The following GPC6 variants were observed in gnomAD, a reference collection of about 807,000 sequenced individuals.
GPC6 encodes the protein glypican-6.
In GPC6, 14 loss-of-function variants were observed where a neutral mutation model predicts 55.2. That is an observed-to-expected ratio of 0.25 (90% CI 0.17 to 0.40). GPC6 has a LOEUF of 0.40. GPC6 is among the 10% of genes least tolerant of loss of function. The probability of loss-of-function intolerance (pLI) is 1.00; values close to 1 mark genes in which losing one functional copy is unlikely to be tolerated. For synonymous variants in GPC6, 278 were observed against 259.6 expected, an observed-to-expected ratio of 1.07 and a Z score of -0.68; for missense variants, 641 against 708.5, an observed-to-expected ratio of 0.90 and a Z score of 1.08.
chr13:93,527,471 T>A (rs1177815811), intron 1 of GPC6, among the ~76,000 whole-genome samples: 1 of 152,158 alleles, frequency 6.6e-6, no homozygotes, highest in Admixed American at 6.6e-5. Flanking sequence ...CCTTTTGGTT[T>A]AAAACCATGG....
At chr13:94,067,474 G>GTCTC (rs777653136) in intron 4 of GPC6, among the ~76,000 whole-genome samples, 1,554 of 142,238 alleles carry the variant, frequency 0.011, 30 homozygotes, top group African/African-American at 0.036. Context: ...CTCTCTGTCT[G>GTCTC]TCTGTCTCTC....
intron 3 of GPC6, among the ~76,000 whole-genome samples, chr13:93,985,550 T>C (rs1488334047): frequency 2.0e-5 from 3 of 150,830 alleles, no homozygotes; most frequent in Non-Finnish European, 4.4e-5. Context: ...AAAAAAAGGG[T>C]GTGTGATGAC....
In GPC6 at chr13:93,676,106, T is replaced by TA. The variant is rs760322815; in HGVS notation, c.319+130706dup. ...GCCAACACAGCAAAACTGTTTCTAC[T>TA]AAAAAAAAAAAAAAAAAAAAATATA... On this transcript the variant is annotated intron_variant, in intron 2 of 8. Coordinates refer to ENST00000377047, the MANE Select transcript of GPC6 (RefSeq NM_005708.5). Among the ~76,000 whole-genome samples the TA allele has an allele frequency of 2.8e-3, 65 of 23,086 alleles. 1 individual carries two copies. The highest frequency in any genetic ancestry group is 6.3e-3 in the East Asian group (4 of 638). 15.1% of individuals were successfully genotyped at this position (23,086 alleles called of 152,430 possible). A position where few individuals can be genotyped will look rare whatever the true frequency, so the allele number is the denominator to read the frequency against.
chr13:93,893,367 T>C (rs941903634), intron 3 of GPC6, among the ~76,000 whole-genome samples: 4 of 152,160 alleles, frequency 2.6e-5, no homozygotes, highest in Non-Finnish European at 5.9e-5. Flanking sequence ...TTAAAATCTT[T>C]TGATTTTTGA....
At chr13:93,788,423 C>T (rs564357564) in intron 2 of GPC6, among the ~76,000 whole-genome samples, 26 of 152,022 alleles carry the variant, frequency 1.7e-4, no homozygotes, top group Admixed American at 3.3e-4. Context: ...TACCTGAATT[C>T]TGGAGGGGAC....
chr13:93,577,635 TGTCGTTTGCATACAA>T (rs1156650924), intron 2 of GPC6, among the ~76,000 whole-genome samples: 1 of 152,088 alleles, frequency 6.6e-6, no homozygotes, highest in Non-Finnish European at 1.5e-5. Flanking sequence ...TATAAGGTCG[TGTCGTTTGCATACAA>T]GGCTAATTTG....
chr13:94,340,989 T>G (rs1224213061), intron 6 of GPC6, among the ~76,000 whole-genome samples: 3 of 152,234 alleles, frequency 2.0e-5, no homozygotes, highest in Admixed American at 6.5e-5. Context: ...AAGGTAACAC[T>G]GGCATTATCT....
intron 3 of GPC6, among the ~76,000 whole-genome samples, chr13:93,905,578 T>C (rs960121397): frequency 6.6e-6 from 1 of 152,238 alleles, no homozygotes; most frequent in African/African-American, 2.4e-5. Context: ...TGATTCTGCA[T>C]AAAGTATTTG....
chr13:93,903,021 A>G (rs1447627714), intron 3 of GPC6, among the ~76,000 whole-genome samples: 2 of 152,222 alleles, frequency 1.3e-5, no homozygotes, highest in East Asian at 3.8e-4. Flanking sequence ...AAAACTGGAT[A>G]TTCACACAGG....
At chr13:94,147,291 T>C (rs1232550357) in intron 4 of GPC6, among the ~76,000 whole-genome samples, 1 of 152,160 alleles carries the variant, frequency 6.6e-6, no homozygotes, top group Non-Finnish European at 1.5e-5. Context: ...GATTTTGCTT[T>C]TCCTGTCACC....
chr13:94,050,957 G>A lies in GPC6; in HGVS notation c.877+23063G>A, dbSNP rs554577600. Among the ~76,000 whole-genome samples the A allele has an allele frequency of 4.6e-5, 7 of 152,188 alleles. No individual in the cohort carries two copies. The East Asian group carries it at 1.4e-3, about 29-fold the overall frequency. The stretch of plus-strand genomic sequence containing the variant: ...CCTATTGGTCATGAGCTGAACCAGG[G>A]CAATCAAATGTCCCTGCTAGATAAT... On this transcript the variant is annotated intron_variant, in intron 4 of 8. Transcript: ENST00000377047.
intron 3 of GPC6, among the ~76,000 whole-genome samples, chr13:93,997,416 G>T (rs1163874689): frequency 6.6e-6 from 1 of 152,124 alleles, no homozygotes; most frequent in Non-Finnish European, 1.5e-5. Flanking sequence ...TACCCAATTA[G>T]TCCCAACATA....
At chr13:93,587,044 A>ACAT (rs1411514594) in intron 2 of GPC6, among the ~76,000 whole-genome samples, 2 of 152,304 alleles carry the variant, frequency 1.3e-5, no homozygotes, top group East Asian at 3.9e-4. Flanking sequence ...TATCCCTAGT[A>ACAT]GGAGGTTGCA....
At chr13:93,326,508 A>C (rs1364144371) in intron 1 of GPC6, among the ~76,000 whole-genome samples, 1 of 152,174 alleles carries the variant, frequency 6.6e-6, no homozygotes, top group African/African-American at 2.4e-5. Context: ...CTTATAAAAA[A>C]TCTTTGGGAG....
chr13:94,145,137 G>GTGGATGGATGGA (rs112864050), intron 4 of GPC6, among the ~76,000 whole-genome samples: 116 of 149,992 alleles, frequency 7.7e-4, no homozygotes, highest in African/African-American at 1.6e-3. Flanking sequence ...GGATGGATGG[G>GTGGATGGATGGA]TGGATGGATG....
chr13:94,190,542 T>C (rs531351698), intron 4 of GPC6, among the ~76,000 whole-genome samples: 5 of 152,226 alleles, frequency 3.3e-5, no homozygotes, highest in South Asian at 2.1e-4. Context: ...GGCAATGAAA[T>C]GGAATACAGG....
At chr13:94,251,319 G>C (rs971636601) in intron 4 of GPC6, among the ~76,000 whole-genome samples, 3 of 151,764 alleles carry the variant, frequency 2.0e-5, no homozygotes, top group Non-Finnish European at 2.9e-5. Context: ...GGGGCAAAGC[G>C]GGGGAGAGCA....
At chr13:93,339,865 G>A (rs559456356) in intron 1 of GPC6, among the ~76,000 whole-genome samples, 10 of 152,118 alleles carry the variant, frequency 6.6e-5, no homozygotes, top group African/African-American at 2.4e-4. Flanking sequence ...TTTGAAAGGA[G>A]TATTAATCTA....
intron 1 of GPC6, among the ~76,000 whole-genome samples, chr13:93,345,519 A>T (rs1381463078): frequency 2.0e-5 from 3 of 152,156 alleles, no homozygotes; most frequent in African/African-American, 7.2e-5. Flanking sequence ...ATTAAAAATT[A>T]AAAAACTGCA....
Sources: allele counts gnomAD v4.1 joint callset (sites outside exome capture counted in the v4.1 genomes callset), GRCh38; gene constraint gnomAD v4.1.1; transcripts MANE v1.5; gene names NCBI Gene and HGNC (gene_info 2026-07-23, HGNC 2026-07-21).